Variants in BCR observed in about 807,000 individuals in gnomAD.
BCR encodes the protein BCR activator of RhoGEF and GTPase.
Under a neutral mutation model 138.6 loss-of-function variants are expected in BCR, and 58 were observed. The observed-to-expected ratio is 0.42, with a 90% CI of 0.34 to 0.52. BCR has a LOEUF of 0.52. Among genes scored for constraint, BCR ranks in the 20% least tolerant of loss-of-function variants. The pLI, the probability that BCR is intolerant of heterozygous loss-of-function variation, is 0.06. For missense variants in BCR, 1,599 were observed against 1,727.2 expected, an observed-to-expected ratio of 0.93 and a Z score of 1.32; for synonymous variants, 786 against 730.1, an observed-to-expected ratio of 1.08 and a Z score of -1.23.
At chr22:23,233,339 G>A (rs1249846379) in intron 1 of BCR, among the ~76,000 whole-genome samples, 5 of 152,164 alleles carry the variant, frequency 3.3e-5, no homozygotes, top group Non-Finnish European at 7.4e-5. Flanking sequence ...TTCTCTGCCC[G>A]GTGGTGACAG....
chr22:23,206,642 C>T (rs926548795), intron 1 of BCR, among the ~76,000 whole-genome samples: 1 of 151,920 alleles, frequency 6.6e-6, no homozygotes, highest in Non-Finnish European at 1.5e-5. Flanking sequence ...AACCCTTCCA[C>T]ATTGAGAGAA....
chr22:23,291,660 C>T (rs75365161), intron 14 of BCR, among the ~76,000 whole-genome samples: 3,994 of 152,230 alleles, frequency 0.026, 182 homozygotes, highest in African/African-American at 0.092. Flanking sequence ...GCCCCGTGCA[C>T]TCAACCTTGC....
intron 1 of BCR, among the ~76,000 whole-genome samples, chr22:23,229,272 C>T (rs994918769): frequency 6.6e-6 from 1 of 152,006 alleles, no homozygotes; most frequent in African/African-American, 2.4e-5. Context: ...TTTGTCCTTT[C>T]TTCTTAGAGC....
intron 6 of BCR, among the ~76,000 whole-genome samples, chr22:23,272,009 A>G (rs536212328): frequency 6.6e-6 from 1 of 152,226 alleles, no homozygotes; most frequent in South Asian, 2.1e-4. Context: ...TATTTTTAAT[A>G]GAGATGGGGT....
intron 1 of BCR, among the ~76,000 whole-genome samples, chr22:23,248,004 T>G (rs2073174718): frequency 6.6e-6 from 1 of 152,218 alleles, no homozygotes; most frequent in Non-Finnish European, 1.5e-5. Context: ...CTTCCCATGT[T>G]GTGATGAATA....
At chr22:23,253,413 G>A (rs1489539300) in intron 1 of BCR, among the ~76,000 whole-genome samples, 3 of 152,166 alleles carry the variant, frequency 2.0e-5, no homozygotes, top group African/African-American at 4.8e-5. Context: ...GGCTATCCAG[G>A]AGCCCCAGCC....
intron 8 of BCR, among the ~76,000 whole-genome samples, chr22:23,275,766 C>G (rs1436055989): frequency 1.3e-5 from 2 of 152,206 alleles, no homozygotes. Context: ...TCGCCCTACC[C>G]TCCTGAGATG....
chr22:23,284,306 A>G (rs544441213), intron 9 of BCR, among the ~76,000 whole-genome samples: 1 of 152,160 alleles, frequency 6.6e-6, no homozygotes, highest in African/African-American at 2.4e-5. Flanking sequence ...TGACTCCTGT[A>G]GTGAGGGGTA....
At chr22:23,184,556 C>CGGTGT (rs2096613879) in intron 1 of BCR, among the ~76,000 whole-genome samples, 1 of 152,126 alleles carries the variant, frequency 6.6e-6, no homozygotes, top group Admixed American at 6.5e-5. Flanking sequence ...TACCCCTACA[C>CGGTGT]CCCCACAGCC....
intron 16 of BCR, among the ~76,000 whole-genome samples, chr22:23,297,874 A>G (rs2073863637): frequency 6.6e-6 from 1 of 152,180 alleles, no homozygotes; most frequent in Non-Finnish European, 1.5e-5. Flanking sequence ...ATGTCAGGCC[A>G]TCTTTTGAAA....
chr22:23,310,061 C>CT (rs1253703517), intron 17 of BCR: 12 of 482,486 alleles, frequency 2.5e-5, no homozygotes, highest in South Asian at 4.2e-5. Flanking sequence ...GCTCCTATAT[C>CT]TAAAAAAAAG....
rs543740687 is a variant in BCR at position 23,291,447 on chromosome 22, C to G, written c.2782+1034C>G. Among the ~76,000 whole-genome samples the G allele has an allele frequency of 2.0e-5, 3 of 152,116 alleles. No homozygotes were observed. The South Asian group carries it at 6.2e-4, about 32-fold the overall frequency. ...TGAATTACATGACATGCAGATTGCA[C>G]CTTCATAACATAATCTTTCTCCTGG... On this transcript the variant is annotated intron_variant, in intron 14 of 22. Transcript: ENST00000305877.
chr22:23,295,185 C>G (rs377130259), intron 16 of BCR, 30 bp downstream of exon 16: 1 of 1,611,956 alleles, frequency 6.2e-7, no homozygotes, highest in Non-Finnish European at 8.5e-7. Flanking sequence ...CCTCCCCTGC[C>G]CGATGCATGG....
At chr22:23,297,224 T>TG (rs2073855994) in intron 16 of BCR, among the ~76,000 whole-genome samples, 1 of 141,786 alleles carries the variant, frequency 7.1e-6, no homozygotes, top group African/African-American at 2.6e-5. Context: ...GTTTTTTGTT[T>TG]TTTTTTTTTT....
At chr22:23,209,338 C>G (rs2072653884) in intron 1 of BCR, among the ~76,000 whole-genome samples, 1 of 151,652 alleles carries the variant, frequency 6.6e-6, no homozygotes, top group African/African-American at 2.4e-5. Context: ...CCAGCTTGGG[C>G]TACAGAGTGA....
Position 23,298,653 on chromosome 22 carries a change from C to T in BCR, c.3012+3498C>T, listed in dbSNP as rs746826712. Among the ~76,000 whole-genome samples the T allele has an allele frequency of 5.8e-4, 87 of 150,530 alleles. 1 individual carries two copies. The highest frequency in any genetic ancestry group is 8.6e-4 in the Admixed American group (13 of 15,142). On this transcript the variant is annotated intron_variant, in intron 16 of 22. Coordinates refer to ENST00000305877, the MANE Select transcript of BCR (RefSeq NM_004327.4). ...CTGTCTTGCCCAGGCTGGAGTGCAG[C>T]GGTGCCATCTCAGCTTACTGCAACC...
chr22:23,263,674 C>G, intron 4 of BCR: 4 of 1,432,340 alleles, frequency 2.8e-6, no homozygotes, highest in Non-Finnish European at 3.9e-6. Flanking sequence ...GAAGATTGGC[C>G]TTGGTAAGAT....
intron 16 of BCR, among the ~76,000 whole-genome samples, chr22:23,295,767 C>T (rs2073838592): frequency 6.6e-6 from 1 of 152,118 alleles, no homozygotes; most frequent in Non-Finnish European, 1.5e-5. Context: ...CCTTCAGAAG[C>T]TTGTCTAGCC....
Position 23,180,763 on chromosome 22 carries a change from C to CGCGCCCCGCCCCGCGCGCCGA in BCR, c.-188_-168dup, listed in dbSNP as rs1212466604. On this transcript the variant is annotated 5_prime_UTR_variant, in exon 1 of 23. Transcript: ENST00000305877. ...GCGCAGCCCGCGCCCTTCCCCCCGG[C>CGCGCCCCGCCCCGCGCGCCGA]GCGCCCCGCCCCGCGCGCCGAGCGC... 6.2e-6 allele frequency: 1 copy of CGCGCCCCGCCCCGCGCGCCGA among 160,040 alleles called. No individual in the cohort carries two copies. Among genetic ancestry groups the CGCGCCCCGCCCCGCGCGCCGA allele is most frequent in the Non-Finnish European group, 1.3e-5 (1 of 78,096 alleles). 9.9% of individuals were successfully genotyped at this position (160,040 alleles called of 1,614,324 possible).
Sources: gnomAD v4.1 joint callset for allele counts (sites outside exome capture counted in the v4.1 genomes callset) on GRCh38, gnomAD v4.1.1 for gene constraint, MANE v1.5 for transcripts, NCBI Gene and HGNC (gene_info 2026-07-23, HGNC 2026-07-21) for gene names.